SRGAP3: variants seen among roughly 807,000 people sequenced by gnomAD.
SRGAP3 encodes SLIT-ROBO Rho GTPase-activating protein 3.
In SRGAP3, 39 loss-of-function variants were observed where a neutral mutation model predicts 121.1. That is an observed-to-expected ratio of 0.32 (90% CI 0.25 to 0.42). The LOEUF (loss-of-function observed/expected upper bound fraction) is 0.42, where lower values mean the gene tolerates loss of function less well. Ranked by LOEUF, SRGAP3 falls within the 10% of genes least tolerant of loss-of-function variation. The probability of loss-of-function intolerance (pLI) is 1.00; values close to 1 mark genes in which losing one functional copy is unlikely to be tolerated. For missense variants in SRGAP3, 1,213 were observed against 1,470.6 expected (o/e 0.82, Z 2.86); for synonymous variants, 601 against 570.0 (o/e 1.05, Z -0.77).
chr3:9,108,140 A>T (rs1418895393), intron 2 of SRGAP3, among the ~76,000 whole-genome samples: 3 of 152,062 alleles, frequency 2.0e-5, no homozygotes, highest in Non-Finnish European at 4.4e-5. Context: ...AGGGGGTGGG[A>T]CCCCTTATCT....
chr3:9,131,655 T>C (rs573716217), intron 1 of SRGAP3, among the ~76,000 whole-genome samples: 44 of 152,118 alleles, frequency 2.9e-4, no homozygotes, highest in Non-Finnish European at 5.6e-4. Context: ...TTGGCCAGGA[T>C]GGTCTTGAAC....
intron 1 of SRGAP3, among the ~76,000 whole-genome samples, chr3:9,149,162 C>T (rs921777323): frequency 6.1e-5 from 9 of 148,008 alleles, no homozygotes; most frequent in African/African-American, 2.3e-4. Flanking sequence ...TGCAGTGAGC[C>T]GAGATCGCGC....
chr3:9,210,977 A>G (rs1310631666), intron 1 of SRGAP3, among the ~76,000 whole-genome samples: 2 of 152,244 alleles, frequency 1.3e-5, no homozygotes, highest in African/African-American at 4.8e-5. Flanking sequence ...AAACAAAAAA[A>G]TCCGGAGGAT....
intron 18 of SRGAP3, among the ~76,000 whole-genome samples, chr3:8,997,198 C>G (rs1942458227): frequency 6.6e-6 from 1 of 152,226 alleles, no homozygotes. Flanking sequence ...CTCTCCCACA[C>G]TCTGTTACCC....
chr3:9,103,601 C>T (rs1948300287), intron 3 of SRGAP3, among the ~76,000 whole-genome samples: 1 of 152,200 alleles, frequency 6.6e-6, no homozygotes, highest in South Asian at 2.1e-4. Flanking sequence ...ACATCCCAAA[C>T]CACTTTGCAA....
intron 18 of SRGAP3, among the ~76,000 whole-genome samples, chr3:8,997,930 G>C (rs572025667): frequency 6.6e-6 from 1 of 151,816 alleles, no homozygotes; most frequent in Admixed American, 6.5e-5. Flanking sequence ...ACCCAGGCTG[G>C]AGTGCAGTGG....
intron 1 of SRGAP3, among the ~76,000 whole-genome samples, chr3:9,182,123 C>T (rs978762122): frequency 1.5e-5 from 2 of 133,070 alleles, no homozygotes; most frequent in Admixed American, 8.8e-5. Flanking sequence ...TTGCAGTGAC[C>T]CAAGATTGTG....
chr3:9,270,087 TGACA>T (rs1954443640), intron 3 of SRGAP3, among the ~76,000 whole-genome samples: 1 of 152,134 alleles, frequency 6.6e-6, no homozygotes, highest in East Asian at 1.9e-4. Context: ...TGGGTTCTGC[TGACA>T]TTGCTAGTCT....
intron 2 of SRGAP3, among the ~76,000 whole-genome samples, chr3:9,115,382 C>A (rs1948766775): frequency 6.6e-6 from 1 of 152,184 alleles, no homozygotes; most frequent in East Asian, 1.9e-4. Flanking sequence ...ATTTTTACAT[C>A]TATTTTTCAT....
chr3:9,014,127 G>C, intron 15 of SRGAP3: 5 of 475,620 alleles, frequency 1.1e-5, no homozygotes, highest in Non-Finnish European at 1.9e-5. Flanking sequence ...CCTGGGTAGA[G>C]GGAAGCCTGG....
intron 3 of SRGAP3, among the ~76,000 whole-genome samples, chr3:9,288,130 G>GTTTTTT (rs57076828): frequency 1.1e-4 from 13 of 119,078 alleles, no homozygotes; most frequent in Admixed American, 1.9e-4. Context: ...TTCTATCTTT[G>GTTTTTT]TTTTTTTTTT....
At chr3:9,258,714 G>A (rs971131061) in intron 3 of SRGAP3, among the ~76,000 whole-genome samples, 5 of 152,010 alleles carry the variant, frequency 3.3e-5, no homozygotes, top group Non-Finnish European at 7.4e-5. Context: ...CTGTATTTTC[G>A]GATGCAGAAT....
At chr3:9,059,788 G>T in intron 6 of SRGAP3, 1 of 272,576 alleles carries the variant, frequency 3.7e-6, no homozygotes, top group South Asian at 4.1e-5. Context: ...TGTCTCATTC[G>T]CTACTTTCTT....
At chr3:9,270,518 T>A (rs1274482592) in intron 3 of SRGAP3, among the ~76,000 whole-genome samples, 1 of 152,216 alleles carries the variant, frequency 6.6e-6, no homozygotes, top group Non-Finnish European at 1.5e-5. Flanking sequence ...TTATCAAAAC[T>A]AATCGACTTG....
chr3:9,119,300 C>A (rs1336299102), intron 2 of SRGAP3, among the ~76,000 whole-genome samples: 2 of 152,226 alleles, frequency 1.3e-5, no homozygotes, highest in African/African-American at 4.8e-5. Context: ...CAGGCCATCA[C>A]TGTCCCTGCC....
intron 2 of SRGAP3, among the ~76,000 whole-genome samples, chr3:9,121,742 T>G (rs1419637146): frequency 6.6e-6 from 1 of 152,152 alleles, no homozygotes. Context: ...CTCCTCTCCC[T>G]ATGTGCACAC....
At chr3:9,271,162 G>A (rs548205229) in intron 3 of SRGAP3, among the ~76,000 whole-genome samples, 10 of 152,186 alleles carry the variant, frequency 6.6e-5, no homozygotes, top group South Asian at 6.2e-4. Flanking sequence ...GCAAAACCCC[G>A]TTTCTACCTG....
intron 1 of SRGAP3, among the ~76,000 whole-genome samples, chr3:9,236,677 C>G (rs1332547266): frequency 6.6e-6 from 1 of 152,032 alleles, no homozygotes; most frequent in Non-Finnish European, 1.5e-5. Context: ...TCCCCAGAAC[C>G]CAAGTAGATG....
intron 1 of SRGAP3, among the ~76,000 whole-genome samples, chr3:9,185,710 A>ATT (rs779180903): frequency 1.3e-5 from 2 of 149,120 alleles, no homozygotes; most frequent in Non-Finnish European, 3.0e-5. Flanking sequence ...GGCCTGACTA[A>ATT]TTTTTTTTTT....
Sources: gnomAD v4.1 joint callset for allele counts (sites outside exome capture counted in the v4.1 genomes callset) on GRCh38, gnomAD v4.1.1 for gene constraint, MANE v1.5 for transcripts, NCBI Gene and HGNC (gene_info 2026-07-23, HGNC 2026-07-21) for gene names.